The following LRRC37A2 variants were observed in gnomAD, a reference collection of about 807,000 sequenced individuals.
LRRC37A2 encodes leucine-rich repeat-containing protein 37A2.
A neutral mutation model predicts 68.8 loss-of-function variants in LRRC37A2; 9 were observed. The observed-to-expected ratio is 0.13, with a 90% CI of 0.08 to 0.23. The LOEUF is 0.23. LRRC37A2 is among the 10% of genes least tolerant of loss of function. LRRC37A2 has a pLI of 1.00. For missense variants in LRRC37A2, 168 were observed against 950.4 expected (o/e 0.18, Z 10.82); for synonymous variants, 63 against 367.6 (o/e 0.17, Z 9.48).
chr17:46,825,486 A>G, the LRRC37A2 span, among the ~76,000 whole-genome samples: 1 of 152,206 alleles, frequency 6.6e-6, no homozygotes, highest in East Asian at 1.9e-4. Flanking sequence ...GAATGGGACT[A>G]CCCTCAAGGA....
At chr17:46,896,398 G>GAAAGAAA in the LRRC37A2 span, among the ~76,000 whole-genome samples, 1 of 60,022 alleles carries the variant, frequency 1.7e-5, no homozygotes, top group African/African-American at 1.2e-4. Context: ...GAAAGAGAAA[G>GAAAGAAA]AAAGAAAGAA....
At chr17:46,751,610 C>G in the LRRC37A2 span, 1 of 1,605,178 alleles carries the variant, frequency 6.2e-7, no homozygotes, top group South Asian at 1.1e-5. Flanking sequence ...TCGAGATGTC[C>G]CTACAGGTAA....
the LRRC37A2 span, among the ~76,000 whole-genome samples, chr17:46,741,905 A>C: frequency 1.3e-5 from 2 of 152,184 alleles, no homozygotes; most frequent in African/African-American, 4.8e-5. Context: ...AGCTGGGATT[A>C]CAGGCATGTG....
chr17:46,813,135 C>T, the LRRC37A2 span, among the ~76,000 whole-genome samples: 1 of 151,816 alleles, frequency 6.6e-6, no homozygotes, highest in East Asian at 1.9e-4. Flanking sequence ...GATGGAGCCA[C>T]AGAAAGAAAC....
At chr17:46,744,263 A>G in the LRRC37A2 span, among the ~76,000 whole-genome samples, 2 of 152,322 alleles carry the variant, frequency 1.3e-5, no homozygotes, top group Middle Eastern at 3.4e-3. Flanking sequence ...TAATGCTCCA[A>G]TTGGCTAATG....
At chr17:46,916,862 G>C in the LRRC37A2 span, 2 of 152,308 alleles carry the variant, frequency 1.3e-5, no homozygotes, top group East Asian at 3.9e-4. Context: ...ATGGAAAAGT[G>C]AAAGGCAGAA....
the LRRC37A2 span, among the ~76,000 whole-genome samples, chr17:46,951,868 G>A: frequency 6.6e-6 from 1 of 152,094 alleles, no homozygotes; most frequent in East Asian, 1.9e-4. Flanking sequence ...CTTTTCCCTC[G>A]GGGTGTTTGC....
the LRRC37A2 span, among the ~76,000 whole-genome samples, chr17:46,494,306 T>C: frequency 6.7e-6 from 1 of 149,624 alleles, no homozygotes; most frequent in East Asian, 1.9e-4. Context: ...TGATGAAGTC[T>C]GATTAACCAC....
chr17:46,840,949 TG>T, the LRRC37A2 span, among the ~76,000 whole-genome samples: 1 of 152,160 alleles, frequency 6.6e-6, no homozygotes, highest in African/African-American at 2.4e-5. Context: ...TGAGTAGAAG[TG>T]GAGGCAGAAA....
chr17:46,800,902 T>C, the LRRC37A2 span, among the ~76,000 whole-genome samples: 128,245 of 152,146 alleles, frequency 0.84, 54,539 homozygotes, highest in East Asian at 0.94. Context: ...ATTTCAAGAC[T>C]GAACAGGAGT....
At chr17:46,940,599 G>T in the LRRC37A2 span, 37 of 1,614,166 alleles carry the variant, frequency 2.3e-5, no homozygotes, top group Admixed American at 2.5e-4. Context: ...AGGAAGGTCT[G>T]CAGGGAGCAG....
chr17:46,466,664 C>T, the LRRC37A2 span, among the ~76,000 whole-genome samples: 1 of 83,654 alleles, frequency 1.2e-5, no homozygotes, highest in South Asian at 5.4e-4. Flanking sequence ...TTTTCTTTAT[C>T]TAGTCTATCG....
At chr17:46,671,865 G>A in the LRRC37A2 span, among the ~76,000 whole-genome samples, 17 of 143,400 alleles carry the variant, frequency 1.2e-4, 1 homozygote, top group African/African-American at 3.0e-4. Context: ...TGTTAAATTC[G>A]GAAAGTCTCA....
At chr17:46,856,637 C>T in the LRRC37A2 span, among the ~76,000 whole-genome samples, 1 of 151,998 alleles carries the variant, frequency 6.6e-6, no homozygotes, top group African/African-American at 2.4e-5. Context: ...GTGTGCGCCA[C>T]CATGCCCAGC....
the LRRC37A2 span, among the ~76,000 whole-genome samples, chr17:46,890,864 G>A: frequency 5.9e-5 from 9 of 152,146 alleles, no homozygotes; most frequent in Non-Finnish European, 8.8e-5. Context: ...AGAACCACCC[G>A]TTTTAATGCT....
chr17:46,977,787 A>G, the LRRC37A2 span, among the ~76,000 whole-genome samples: 1 of 152,172 alleles, frequency 6.6e-6, no homozygotes, highest in Admixed American at 6.5e-5. Flanking sequence ...TAAACTTTTA[A>G]CTAGATCTAG....
chr17:46,939,486 G>T, the LRRC37A2 span: 1 of 986,544 alleles, frequency 1.0e-6, no homozygotes, highest in South Asian at 4.7e-5. Context: ...TGTTAATAGA[G>T]TGGTTGGCTT....
At chr17:46,928,659 A>G in the LRRC37A2 span, among the ~76,000 whole-genome samples, 1 of 152,114 alleles carries the variant, frequency 6.6e-6, no homozygotes, top group African/African-American at 2.4e-5. Flanking sequence ...TCGGAGAAGG[A>G]TGTTTACCAA....
the LRRC37A2 span, among the ~76,000 whole-genome samples, chr17:46,775,908 C>T: frequency 3.3e-5 from 5 of 152,140 alleles, no homozygotes; most frequent in Non-Finnish European, 5.9e-5. Context: ...CCACCACGCC[C>T]GGCCCAGAAG....
Sources: gnomAD v4.1 joint callset for allele counts (sites outside exome capture counted in the v4.1 genomes callset) on GRCh38, gnomAD v4.1.1 for gene constraint, MANE v1.5 for transcripts, NCBI Gene and HGNC (gene_info 2026-07-23, HGNC 2026-07-21) for gene names.